The following MYO16 variants were observed in gnomAD, a reference collection of about 807,000 sequenced individuals.
MYO16 encodes unconventional myosin-XVI.
In MYO16, 94 loss-of-function variants were observed where a neutral mutation model predicts 205.3. The observed-to-expected ratio is 0.46, with a 90% CI of 0.39 to 0.54. The LOEUF is 0.54. Among genes scored for constraint, MYO16 ranks in the 20% least tolerant of loss-of-function variants. The pLI, the probability that MYO16 is intolerant of heterozygous loss-of-function variation, is 0.00. For missense variants in MYO16, 2,315 were observed against 2,387.5 expected, an observed-to-expected ratio of 0.97 and a Z score of 0.63; for synonymous variants, 988 against 954.0, an observed-to-expected ratio of 1.04 and a Z score of -0.66.
In MYO16 at chr13:108,773,937, CA is replaced by C. The variant is rs1886048153; in HGVS notation, c.508-11693del. Among the ~76,000 whole-genome samples, 3 of 151,740 alleles carry C rather than the reference CA, an allele frequency of 2.0e-5. No individual in the cohort carries two copies. The South Asian group carries it at 6.2e-4, about 32-fold the overall frequency. ...AAAACCCTGTCTCTACTAAAAAATA[CA>C]AAAATTAGCTGGGCATGGTGGTGAG... On this transcript the variant is annotated intron_variant, in intron 4 of 34. Transcript: ENST00000457511.
At chr13:108,985,797 A>G (rs1486837396) in intron 20 of MYO16, among the ~76,000 whole-genome samples, 1 of 152,256 alleles carries the variant, frequency 6.6e-6, no homozygotes, top group Non-Finnish European at 1.5e-5. Flanking sequence ...TTCTCATTTA[A>G]CAAATATTTA....
At chr13:109,086,469 C>G (rs1284933336) in intron 27 of MYO16, among the ~76,000 whole-genome samples, 1 of 152,294 alleles carries the variant, frequency 6.6e-6, no homozygotes, top group African/African-American at 2.4e-5. Context: ...GATGAACCAT[C>G]TTATACAATA....
chr13:108,779,843 A>G, intron 4 of MYO16: 1 of 152,270 alleles, frequency 6.6e-6, no homozygotes. Flanking sequence ...TCCAGCTGGT[A>G]AAGGAGGACC....
chr13:108,988,705 T>A (rs1015790374), intron 20 of MYO16, among the ~76,000 whole-genome samples: 5 of 152,168 alleles, frequency 3.3e-5, no homozygotes, highest in Admixed American at 1.3e-4. Context: ...GTGTCACTGA[T>A]CTCTGCTGCT....
intron 28 of MYO16, among the ~76,000 whole-genome samples, chr13:109,109,525 G>A (rs1273794701): frequency 6.6e-6 from 1 of 151,182 alleles, no homozygotes; most frequent in Middle Eastern, 3.4e-3. Flanking sequence ...AAGCCAATGT[G>A]GCAGCTCAAG....
intron 2 of MYO16, among the ~76,000 whole-genome samples, chr13:108,673,598 C>T (rs999944763): frequency 6.6e-6 from 1 of 152,032 alleles, no homozygotes; most frequent in Non-Finnish European, 1.5e-5. Context: ...TTCTCCTACT[C>T]CTCAGATCCT....
intron 23 of MYO16, among the ~76,000 whole-genome samples, chr13:109,023,297 G>T (rs576093965): frequency 1.1e-4 from 8 of 73,406 alleles, no homozygotes; most frequent in Admixed American, 2.2e-4. Context: ...ATATTATACA[G>T]ATATAAATAT....
rs1276144647 is a variant in MYO16, at chr13:108,844,448, C to A, written c.1203C>A (p.Ser401Arg). Residue 401 changes from serine (S) to arginine (R), a missense_variant, in exon 10 of 35, where the codon AGC (serine) becomes AGA (arginine). Coordinates refer to ENST00000457511, the MANE Select transcript of MYO16 (RefSeq NM_001198950.3). ...TGTGTAAGCAGCAGTCTCAGGACAG[C>A]ATCCCTGAAAACCCCATGATGAGCG... ...KGLCKQQSQD[S>R]IPENPMMSGS... The A allele has an allele frequency of 1.2e-6, 2 of 1,612,368 alleles. No individual in the cohort carries two copies. The highest frequency in any genetic ancestry group is 1.7e-6 in the Non-Finnish European group (2 of 1,178,750).
Position 109,141,378 on chromosome 13 carries a change from TAA to T in MYO16, c.5164+3_5164+4del. 1.3e-6 allele frequency: 2 copies of T among 1,500,364 alleles called. No homozygotes were observed. The highest frequency in any genetic ancestry group is 1.8e-6 in the Non-Finnish European group (2 of 1,124,942). The allele number at this position is 1,500,364 out of a possible 1,614,324, so 92.9% of individuals were successfully genotyped here. ...GAAGAAAAATCAGGGAAGCAGAAGGTAAGCGGAGCAGACATCCCCCCACTCCT... is the reference window on the plus strand; with the variant it reads ...GAAGAAAAATCAGGGAAGCAGAAGGTGCGGAGCAGACATCCCCCCACTCCT... On this transcript the variant is annotated splice_donor_region_variant and intron_variant, in intron 32 of 34. Transcript: ENST00000457511. This position sits in a 1 kb window ranked among gnomAD's most constrained non-coding sequence, Gnocchi z 4.1.
chr13:108,678,559 T>C (rs56863144), intron 2 of MYO16, among the ~76,000 whole-genome samples: 148 of 152,328 alleles, frequency 9.7e-4, no homozygotes, highest in African/African-American at 3.6e-3. Flanking sequence ...CAAACCTGCC[T>C]GTAGCAATGA....
intron 14 of MYO16, among the ~76,000 whole-genome samples, chr13:108,895,258 A>T (rs1369514871): frequency 6.6e-6 from 1 of 151,408 alleles, no homozygotes; most frequent in Non-Finnish European, 1.5e-5. Flanking sequence ...AGGAAAATAT[A>T]TATATTTAAT....
chr13:108,506,671 GT>G, the MYO16 span, among the ~76,000 whole-genome samples: 1 of 152,028 alleles, frequency 6.6e-6, no homozygotes, highest in Admixed American at 6.5e-5. Flanking sequence ...AATGTCTTTA[GT>G]TTCTTTTTCT....
rs192723546 is a variant in MYO16, at chr13:108,850,913, G to A, written c.1249-4530G>A. Among the ~76,000 whole-genome samples the A allele has an allele frequency of 1.3e-3, 197 of 152,298 alleles. 1 individual carries two copies. The highest frequency in any genetic ancestry group is 0.012 in the Admixed American group (183 of 15,290). ...ATGTAACAGCTGTGCCACTGAAAAC[G>A]AGAATCCACAGGAATACCAATGAGA... On this transcript the variant is annotated intron_variant, in intron 10 of 34. Transcript: ENST00000457511.
intron 27 of MYO16, among the ~76,000 whole-genome samples, chr13:109,067,746 C>T (rs1235909632): frequency 2.6e-5 from 4 of 152,114 alleles, no homozygotes. Context: ...TGCAGCCAGT[C>T]CCATACCTCT....
intron 23 of MYO16, among the ~76,000 whole-genome samples, chr13:109,028,685 T>G (rs991212878): frequency 6.6e-6 from 1 of 150,734 alleles, no homozygotes; most frequent in African/African-American, 2.4e-5. Context: ...TACATCTTTC[T>G]GTGGTGGATT....
chr13:109,193,631 A>G (rs1203601495), intron 34 of MYO16, among the ~76,000 whole-genome samples: 1 of 152,202 alleles, frequency 6.6e-6, no homozygotes, highest in African/African-American at 2.4e-5. Context: ...AATGTAAATT[A>G]AGACACTGGC....
At chr13:109,076,282 T>C (rs1480179581) in intron 27 of MYO16, among the ~76,000 whole-genome samples, 2 of 152,182 alleles carry the variant, frequency 1.3e-5, no homozygotes, top group Admixed American at 1.3e-4. Context: ...TTTCCTTCCT[T>C]CTTCTTCTTC....
At chr13:108,639,456 C>T (rs17386902) in intron 1 of MYO16, among the ~76,000 whole-genome samples, 25,965 of 152,046 alleles carry the variant, frequency 0.17, 2,784 homozygotes, top group Non-Finnish European at 0.24. Flanking sequence ...TCCTGATTTG[C>T]GCTATTCAAA....
intron 11 of MYO16, among the ~76,000 whole-genome samples, chr13:108,861,418 A>G (rs922154143): frequency 2.0e-5 from 3 of 152,212 alleles, no homozygotes; most frequent in South Asian, 2.1e-4. Context: ...TATCCACTCT[A>G]TACTTGAGGA....
Sources: allele counts gnomAD v4.1 joint callset (sites outside exome capture counted in the v4.1 genomes callset), GRCh38; gene constraint gnomAD v4.1.1; non-coding constraint Gnocchi (gnomAD v3.1); transcripts MANE v1.5; gene names NCBI Gene and HGNC (gene_info 2026-07-23, HGNC 2026-07-21).